The following GALNTL6 variants were observed in gnomAD, a reference collection of about 807,000 sequenced individuals.
GALNTL6 encodes polypeptide N-acetylgalactosaminyltransferase like 6.
Under a neutral mutation model 73.7 loss-of-function variants are expected in GALNTL6, and 46 were observed. The ratio of observed to expected loss-of-function variants is 0.62; its 90% CI spans 0.49 to 0.80. The LOEUF (loss-of-function observed/expected upper bound fraction) is 0.80, where lower values mean the gene tolerates loss of function less well. Ranked by LOEUF, GALNTL6 falls within the 30% of genes least tolerant of loss-of-function variation. The pLI is 0.00. For synonymous variants in GALNTL6, 259 were observed against 263.7 expected, an observed-to-expected ratio of 0.98 and a Z score of 0.17; for missense variants, 604 against 755.0, an observed-to-expected ratio of 0.80 and a Z score of 2.34.
At chr4:171,872,331 T>C (rs1736159999) in intron 2 of GALNTL6, among the ~76,000 whole-genome samples, 1 of 152,138 alleles carries the variant, frequency 6.6e-6, no homozygotes, top group South Asian at 2.1e-4. Flanking sequence ...TTTTATATAT[T>C]ATATACATAT....
intron 5 of GALNTL6, among the ~76,000 whole-genome samples, chr4:172,381,745 T>C (rs1291066069): frequency 6.6e-6 from 1 of 152,208 alleles, no homozygotes; most frequent in African/African-American, 2.4e-5. Context: ...AACATTGATG[T>C]GTCAGTGATT....
At chr4:172,767,604 TC>T (rs2110850384) in intron 5 of GALNTL6, among the ~76,000 whole-genome samples, 1 of 151,894 alleles carries the variant, frequency 6.6e-6, no homozygotes, top group South Asian at 2.1e-4. Context: ...TGTATAACAT[TC>T]CCGTGAAGAA....
At chr4:172,213,170 T>C (rs1046640717) in intron 2 of GALNTL6, among the ~76,000 whole-genome samples, 4 of 152,194 alleles carry the variant, frequency 2.6e-5, no homozygotes, top group African/African-American at 9.7e-5. Context: ...GATGTTCCAA[T>C]TCATTTATCC....
chr4:172,649,929 G>C (rs1740399924), intron 5 of GALNTL6, among the ~76,000 whole-genome samples: 1 of 152,124 alleles, frequency 6.6e-6, no homozygotes, highest in Non-Finnish European at 1.5e-5. Flanking sequence ...AACATATTTT[G>C]TGTTTATTTG....
At chr4:171,825,571 G>A (rs1734802446) in intron 2 of GALNTL6, among the ~76,000 whole-genome samples, 1 of 152,034 alleles carries the variant, frequency 6.6e-6, no homozygotes, top group Admixed American at 6.6e-5. Context: ...GGCATTCCAC[G>A]ACAAAGATCT....
intron 2 of GALNTL6, among the ~76,000 whole-genome samples, chr4:172,121,154 A>T (rs1039018472): frequency 6.6e-6 from 1 of 152,058 alleles, no homozygotes; most frequent in Admixed American, 6.6e-5. Context: ...AGAATTACAT[A>T]ATTATTTTGA....
chr4:172,471,075 G>T (rs1427791231), intron 5 of GALNTL6, among the ~76,000 whole-genome samples: 1 of 152,088 alleles, frequency 6.6e-6, no homozygotes, highest in Admixed American at 6.6e-5. Flanking sequence ...AGTCTCCCAG[G>T]GTCTTAACTC....
intron 12 of GALNTL6, among the ~76,000 whole-genome samples, chr4:173,032,729 A>G (rs989542800): frequency 6.6e-6 from 1 of 152,198 alleles, no homozygotes; most frequent in Non-Finnish European, 1.5e-5. Context: ...AGGACTACAC[A>G]AGACCTTGTA....
chr4:172,963,339 A>G (rs772765408), intron 10 of GALNTL6, among the ~76,000 whole-genome samples: 1 of 152,144 alleles, frequency 6.6e-6, no homozygotes, highest in Non-Finnish European at 1.5e-5. Flanking sequence ...ATCCACATGC[A>G]TACTTAAACA....
At chr4:171,957,854 T>C (rs1739099054) in intron 2 of GALNTL6, among the ~76,000 whole-genome samples, 1 of 152,050 alleles carries the variant, frequency 6.6e-6, no homozygotes, top group Non-Finnish European at 1.5e-5. Context: ...CTAACATATT[T>C]GACAAAAAAA....
chr4:172,042,662 A>T (rs886781632), intron 2 of GALNTL6, among the ~76,000 whole-genome samples: 3 of 151,714 alleles, frequency 2.0e-5, no homozygotes, highest in African/African-American at 4.8e-5. Flanking sequence ...TTTTAAAAAA[A>T]ATATACAAAA....
intron 2 of GALNTL6, among the ~76,000 whole-genome samples, chr4:172,032,691 A>T (rs917642792): frequency 6.6e-6 from 1 of 152,090 alleles, no homozygotes; most frequent in African/African-American, 2.4e-5. Flanking sequence ...TGACATAGCT[A>T]TTACGGCTTT....
chr4:172,084,101 T>C (rs1053223024), intron 2 of GALNTL6, among the ~76,000 whole-genome samples: 1 of 152,262 alleles, frequency 6.6e-6, no homozygotes, highest in East Asian at 1.9e-4. Flanking sequence ...ACAGAGTTGT[T>C]TTCTATGACA....
At chr4:172,939,245 A>G (rs371869889) in intron 9 of GALNTL6, among the ~76,000 whole-genome samples, 17 of 152,352 alleles carry the variant, frequency 1.1e-4, no homozygotes, top group African/African-American at 3.6e-4. Flanking sequence ...GCAGTGAGCC[A>G]TGATCAAGCC....
chr4:172,602,801 T>C (rs959452333), intron 5 of GALNTL6, among the ~76,000 whole-genome samples: 3 of 152,140 alleles, frequency 2.0e-5, no homozygotes, highest in Non-Finnish European at 2.9e-5. Context: ...ACAGCTTTGT[T>C]CATAATAGCC....
Position 172,242,875 on chromosome 4 carries a change from T to A in GALNTL6, c.247+13111T>A, listed in dbSNP as rs1235369213. Among the ~76,000 whole-genome samples, 4 of 152,244 alleles carry A rather than the reference T, an allele frequency of 2.6e-5. No homozygotes were observed. The East Asian group carries it at 7.7e-4, about 29-fold the overall frequency. On this transcript the variant is annotated intron_variant, in intron 3 of 12. Coordinates refer to ENST00000506823, the MANE Select transcript of GALNTL6 (RefSeq NM_001034845.3). Reference sequence around the variant, plus strand: ...TCTGATGCAAACCACCAATGTCTCCTGCCTAAACTATTTCAATAAGTCTCT... The same window carrying A: ...TCTGATGCAAACCACCAATGTCTCCAGCCTAAACTATTTCAATAAGTCTCT...
chr4:172,697,165 G>GA (rs1327385037), intron 5 of GALNTL6, among the ~76,000 whole-genome samples: 1 of 152,012 alleles, frequency 6.6e-6, no homozygotes, highest in Non-Finnish European at 1.5e-5. Context: ...CAAATTATGT[G>GA]AAAAAAATAA....
At chr4:172,533,341 T>A (rs905585827) in intron 5 of GALNTL6, among the ~76,000 whole-genome samples, 15 of 145,734 alleles carry the variant, frequency 1.0e-4, no homozygotes, top group African/African-American at 3.8e-4. Context: ...TTTTTTTTTT[T>A]TGAGATGGAG....
chr4:172,341,128 T>G (rs1741543225), intron 4 of GALNTL6, among the ~76,000 whole-genome samples: 1 of 152,130 alleles, frequency 6.6e-6, no homozygotes, highest in African/African-American at 2.4e-5. Context: ...AAAGCCACTA[T>G]TGTTTGTTGC....
Sources: allele counts gnomAD v4.1 joint callset (sites outside exome capture counted in the v4.1 genomes callset), GRCh38; gene constraint gnomAD v4.1.1; transcripts MANE v1.5; gene names NCBI Gene and HGNC (gene_info 2026-07-23, HGNC 2026-07-21).